Variants in DNAH11 observed in about 807,000 individuals in gnomAD.
The protein encoded by DNAH11 is dynein axonemal heavy chain 11.
In DNAH11, 442 loss-of-function variants were observed where a neutral mutation model predicts 526.0. That is an observed-to-expected ratio of 0.84 (90% CI 0.78 to 0.91). The LOEUF is 0.91. Among genes scored for constraint, DNAH11 ranks in the 40% least tolerant of loss-of-function variants. The pLI, the probability that DNAH11 is intolerant of heterozygous loss-of-function variation, is 0.00. For missense variants in DNAH11, 6,989 were observed against 5,448.7 expected (o/e 1.28, Z -8.90); for synonymous variants, 2,461 against 1,935.9 (o/e 1.27, Z -7.12).
At chr7:21,798,781 C>A (rs1430272894) in intron 61 of DNAH11, among the ~76,000 whole-genome samples, 1 of 152,204 alleles carries the variant, frequency 6.6e-6, no homozygotes, top group Non-Finnish European at 1.5e-5. Flanking sequence ...GTATAAGAAT[C>A]TAACAGTCTT....
In DNAH11 at chr7:21,854,320, T is replaced by A. The variant is rs748038866; in HGVS notation, c.11067T>A (p.Ile3689=). ...TTTGTTTGATCCCACCATAGGTGAT[T>A]GAAGCCAAAGAAAATGAAAGAAAAA... ...TTVAEIEHKV[I]EAKENERKIN... is the part of the protein sequence containing the mutation. Residue 3689 remains isoleucine (I), a synonymous_variant, in exon 68 of 82, where the codon ATT becomes ATA. Coordinates refer to ENST00000409508, the MANE Select transcript of DNAH11 (RefSeq NM_001277115.2). 3.1e-6 allele frequency: 5 copies of A among 1,613,660 alleles called. No homozygotes were observed. In the South Asian group the frequency reaches 4.4e-5, roughly 14 times the overall value.
chr7:21,666,031 CA>C (rs968893471), intron 30 of DNAH11, among the ~76,000 whole-genome samples: 2 of 152,062 alleles, frequency 1.3e-5, no homozygotes, highest in African/African-American at 4.8e-5. Flanking sequence ...GAGCTTTAGT[CA>C]TTTAAAATAG....
rs190556248 is a variant in DNAH11, at chr7:21,885,728, T to C, written c.12507+1318T>C. The stretch of plus-strand genomic sequence containing the variant: ...AAAACATCGCATTGTACCCCATCAA[T>C]ATGTACAATTATTATGTGTCAGTTA... On this transcript the variant is annotated intron_variant, in intron 76 of 81. Transcript: ENST00000409508. Among the ~76,000 whole-genome samples the C allele has an allele frequency of 9.2e-5, 14 of 152,278 alleles. No homozygotes were observed. The East Asian group carries it at 2.7e-3, about 29-fold the overall frequency.
chr7:21,638,283 T>C (rs189071081), intron 27 of DNAH11, among the ~76,000 whole-genome samples: 3 of 152,272 alleles, frequency 2.0e-5, no homozygotes, highest in East Asian at 1.9e-4. Flanking sequence ...AAGGAGAAGA[T>C]CTAGATAAAA....
At chr7:21,642,813 T>C (rs1271243603) in intron 28 of DNAH11, among the ~76,000 whole-genome samples, 1 of 152,074 alleles carries the variant, frequency 6.6e-6, no homozygotes, top group Non-Finnish European at 1.5e-5. Context: ...GGAGGTCTGA[T>C]AACCACTACA....
intron 77 of DNAH11, 70 bp downstream of exon 77, chr7:21,892,737 T>C: frequency 6.8e-7 from 1 of 1,463,322 alleles, no homozygotes; most frequent in Non-Finnish European, 9.1e-7. Context: ...CTACTAATCT[T>C]AATTGTGCAA....
At chr7:21,862,181 C>A (rs1012099277) in intron 69 of DNAH11, among the ~76,000 whole-genome samples, 158 bp downstream of exon 69, 1 of 149,398 alleles carries the variant, frequency 6.7e-6, no homozygotes, top group Non-Finnish European at 1.5e-5. Context: ...CCACAGGGAA[C>A]TTGGGCATGT....
At chr7:21,897,626 CTTTTTT>C (rs11303225) in intron 79 of DNAH11, among the ~76,000 whole-genome samples, 4 of 151,996 alleles carry the variant, frequency 2.6e-5, no homozygotes, top group African/African-American at 9.7e-5. Flanking sequence ...TAGAATTACA[CTTTTTT>C]TTTGAGAGAT....
At chr7:21,756,673 G>A (rs1336260669) in intron 54 of DNAH11, among the ~76,000 whole-genome samples, 1 of 152,030 alleles carries the variant, frequency 6.6e-6, no homozygotes, top group African/African-American at 2.4e-5. Context: ...TCTTGATAGT[G>A]TGAGTTCTTT....
At chr7:21,862,616 AGT>A (rs1426219425) in intron 69 of DNAH11, among the ~76,000 whole-genome samples, 2 of 152,210 alleles carry the variant, frequency 1.3e-5, no homozygotes, top group Non-Finnish European at 2.9e-5. Flanking sequence ...GAAGCATCAC[AGT>A]GTGCCACTTA....
intron 30 of DNAH11, among the ~76,000 whole-genome samples, chr7:21,670,819 A>T (rs960696783): frequency 6.6e-6 from 1 of 152,148 alleles, no homozygotes; most frequent in East Asian, 1.9e-4. Flanking sequence ...CCAACTTTGC[A>T]TTCCTGAATA....
intron 30 of DNAH11, among the ~76,000 whole-genome samples, chr7:21,659,981 G>A (rs1782176571): frequency 6.6e-6 from 1 of 151,904 alleles, no homozygotes; most frequent in African/African-American, 2.4e-5. Context: ...TTACTTTTGG[G>A]GAAAAAGAAA....
chr7:21,899,939 C>G lies in DNAH11; in HGVS notation c.13163-41C>G, dbSNP rs76025041. The G allele has an allele frequency of 1.2e-3, 2,000 of 1,604,734 alleles. 29 individuals are homozygous for G. The African/African-American group carries it at 0.024, about 19-fold the overall frequency. On this transcript the variant is annotated intron_variant, in intron 80 of 81. Transcript: ENST00000409508. ...TGGTAGCTCCCGGGAACCTTACATG[C>G]AACACTTTTATCCTATTCAATTTTT...
intron 31 of DNAH11, among the ~76,000 whole-genome samples, chr7:21,683,185 T>A (rs2128472843): frequency 6.7e-6 from 1 of 148,638 alleles, no homozygotes; most frequent in African/African-American, 2.6e-5. Flanking sequence ...ACAGTAATTT[T>A]GGTAAGTTCA....
In DNAH11 at chr7:21,748,989, T is replaced by C. The variant is rs6946595; in HGVS notation, c.8673+247T>C. 0.051 allele frequency among the ~76,000 whole-genome samples: 7,696 copies of C among 152,214 alleles called. 637 individuals are homozygous for C. The highest frequency in any genetic ancestry group is 0.17 in the African/African-American group (7,220 of 41,474). ...ACATGTAAACCTGGCTCAGAAAATATTTACTTAAACACTTGCTTACACAAA... is the reference window on the plus strand; with the variant it reads ...ACATGTAAACCTGGCTCAGAAAATACTTACTTAAACACTTGCTTACACAAA... On this transcript the variant is annotated intron_variant, in intron 52 of 81. Coordinates refer to ENST00000409508, the MANE Select transcript of DNAH11 (RefSeq NM_001277115.2).
In DNAH11 at chr7:21,620,047, A is replaced by T. The variant is rs933719138; in HGVS notation, c.4469A>T (p.Glu1490Val). ...GGCATTCCATTACTAAAGTCTGATG[A>T]ACAACTTTTTGAAACTCTAGAGCAC... ...RTGIPLLKSD[E>V]QLFETLEHNQ... is the part of the protein sequence containing the mutation. The change falls in exon 25 of 82, where the codon GAA becomes GTA. Residue 1490 changes from glutamate to valine, a missense_variant. Glu to Val is a moderately radical substitution (Grantham distance 121). Transcript: ENST00000409508. 6.2e-7 allele frequency: 1 copy of T among 1,603,100 alleles called. No homozygotes were observed.
chr7:21,574,437 A>G (rs1408885327), intron 8 of DNAH11, among the ~76,000 whole-genome samples: 4 of 152,182 alleles, frequency 2.6e-5, no homozygotes, highest in Non-Finnish European at 5.9e-5. Flanking sequence ...CCGCAGGCAA[A>G]TGACAGTTTC....
At chr7:21,822,527 C>G (rs1313137599) in intron 65 of DNAH11, among the ~76,000 whole-genome samples, 3 of 152,114 alleles carry the variant, frequency 2.0e-5, no homozygotes, top group Admixed American at 2.0e-4. Context: ...CACAATTCAC[C>G]CATTGTTGGA....
chr7:21,634,663 G>T (rs1455302188), intron 25 of DNAH11, among the ~76,000 whole-genome samples: 3 of 152,158 alleles, frequency 2.0e-5, no homozygotes, highest in African/African-American at 7.2e-5. Flanking sequence ...GCCTAGTTGA[G>T]AGTGGAGGGC....
Sources: allele counts gnomAD v4.1 joint callset (sites outside exome capture counted in the v4.1 genomes callset), GRCh38; gene constraint gnomAD v4.1.1; transcripts MANE v1.5; gene names NCBI Gene and HGNC (gene_info 2026-07-23, HGNC 2026-07-21).